The following UBR2 variants were observed in gnomAD, a reference collection of about 807,000 sequenced individuals.
UBR2 encodes E3 ubiquitin-protein ligase UBR2.
UBR2 carries 92 observed loss-of-function variants against 247.9 expected under a neutral mutation model. The ratio of observed to expected loss-of-function variants is 0.37; its 90% confidence interval spans 0.31 to 0.44. The LOEUF (loss-of-function observed/expected upper bound fraction) is 0.44. Ranked by LOEUF, UBR2 falls within the 20% of genes least tolerant of loss-of-function variation. The pLI is 1.00. For missense variants in UBR2, 1,613 were observed against 2,112.6 expected (o/e 0.76, Z 4.64); for synonymous variants, 672 against 693.5 (o/e 0.97, Z 0.49).
In UBR2 at chr6:42,666,180, A is replaced by G; in HGVS notation, c.3816A>G (p.Thr1272=). ...KEESTPNNAS[T]KNSENVDELQ... ...CTGTTTCTATAGATAATGCCTCTACAAAGAATTCAGAAAATGTGGATGAAT... is the reference window on the plus strand; with the variant it reads ...CTGTTTCTATAGATAATGCCTCTACGAAGAATTCAGAAAATGTGGATGAAT... Residue 1272 remains threonine (T), a synonymous_variant, in exon 34 of 47, where the codon ACA becomes ACG. Transcript: ENST00000372901. The G allele has an allele frequency of 6.2e-7, 1 of 1,612,510 alleles. No homozygotes were observed. The highest frequency in any genetic ancestry group is 1.1e-5 in the South Asian group (1 of 90,560).
intron 44 of UBR2, among the ~76,000 whole-genome samples, chr6:42,687,600 G>T (rs1047739059): frequency 6.6e-6 from 1 of 152,042 alleles, no homozygotes; most frequent in East Asian, 1.9e-4. Flanking sequence ...GAGTGCAGTG[G>T]TGTGATCTTG....
rs745849060 is a variant in UBR2, at chr6:42,658,051, C to T, written c.2900C>T (p.Pro967Leu). 8 of 1,613,778 alleles carry T rather than the reference C, an allele frequency of 5.0e-6. No individual in the cohort carries two copies. Among genetic ancestry groups the T allele is most frequent in the Admixed American group, 1.7e-5 (1 of 59,950 alleles). Residue 967 changes from proline (P) to leucine (L), a missense_variant, in exon 27 of 47, where the codon CCT becomes CTT. Physicochemically the swap from Pro to Leu is moderately conservative, Grantham distance 98. Transcript: ENST00000372901. ...CCTGGTGAAGCGCCAAAAAATTCTC[C>T]TAGCATACTAGCTATGCTGGAAACA... ...SKPGEAPKNS[P>L]SILAMLETLQ...
chr6:42,648,940 G>T (rs1028462), intron 22 of UBR2, among the ~76,000 whole-genome samples: 20 of 151,802 alleles, frequency 1.3e-4, no homozygotes, highest in East Asian at 1.9e-4. Flanking sequence ...TGTGTCTTTG[G>T]GGGGGCGGGT....
chr6:42,647,157 T>C (rs967975552), intron 21 of UBR2, among the ~76,000 whole-genome samples: 3 of 152,144 alleles, frequency 2.0e-5, no homozygotes, highest in Non-Finnish European at 2.9e-5. Context: ...ACTAAATATC[T>C]AGTCAAGATA....
chr6:42,645,109 G>T (rs1158254405), intron 20 of UBR2, among the ~76,000 whole-genome samples: 1 of 151,992 alleles, frequency 6.6e-6, no homozygotes, highest in African/African-American at 2.4e-5. Flanking sequence ...TATTTTATTT[G>T]CCACTAGATA....
At position 42,666,215 on chromosome 6, in the gene UBR2, C is replaced by G; in HGVS notation, c.3851C>G (p.Pro1284Arg). 6.2e-7 allele frequency: 1 copy of G among 1,613,088 alleles called. No individual in the cohort carries two copies. Among genetic ancestry groups the G allele is most frequent in the South Asian group, 1.1e-5 (1 of 90,760 alleles). ...NSENVDELQL[P>R]EGFRPDFRPK... The stretch of plus-strand genomic sequence containing the variant: ...GAAAATGTGGATGAATTACAGCTCC[C>G]TGAAGGGTTCAGGCCTGATTTTCGT... The change falls in exon 34 of 47, where the codon CCT becomes CGT. Residue 1284 changes from proline to arginine, a missense_variant. This residue lies in a region of UBR2 where 1,524 missense variants were observed against 1,967.3 expected (regional missense o/e 0.77). Coordinates refer to ENST00000372901, the MANE Select transcript of UBR2 (RefSeq NM_001363705.2).
chr6:42,584,255 C>T (rs760182799), intron 2 of UBR2, among the ~76,000 whole-genome samples: 2 of 152,136 alleles, frequency 1.3e-5, no homozygotes, highest in Admixed American at 1.3e-4. Flanking sequence ...CTTGGCCTCC[C>T]AAAGTACTGA....
intron 25 of UBR2, 36 bp from the exon 26 acceptor site, chr6:42,655,584 TA>T: frequency 7.6e-7 from 1 of 1,308,774 alleles, no homozygotes; most frequent in Non-Finnish European, 1.0e-6. Context: ...CTTGATTTTT[TA>T]AATTTTTACT....
At chr6:42,682,960 T>C in intron 42 of UBR2, 95 bp from the exon 43 acceptor site, 1 of 1,013,310 alleles carries the variant, frequency 9.9e-7, no homozygotes, top group East Asian at 2.5e-5. Flanking sequence ...AGGTCAAGAA[T>C]ATTATTTTCC....
chr6:42,676,834 T>G lies in UBR2; in HGVS notation c.4439T>G (p.Val1480Gly). The G allele has an allele frequency of 6.2e-7, 1 of 1,614,024 alleles. No individual in the cohort carries two copies. Among genetic ancestry groups the G allele is most frequent in the East Asian group, 2.2e-5 (1 of 44,836 alleles). Reference protein sequence around the residue: ...ENPPCEEESAVLALYKTLHQY... With the variant: ...ENPPCEEESAGLALYKTLHQY... ...CCCCCTTGTGAAGAAGAATCAGCAG[T>G]TCTTGCTTTGTATAAAACACTTCAC... The change falls in exon 40 of 47, where the codon GTT becomes GGT. Residue 1480 changes from valine to glycine, a missense_variant. Physicochemically the swap from Val to Gly is moderately radical, Grantham distance 109. Coordinates refer to ENST00000372901, the MANE Select transcript of UBR2 (RefSeq NM_001363705.2).
At position 42,603,667 on chromosome 6, in the gene UBR2, A is replaced by G. The variant is rs2151927539; in HGVS notation, c.611A>G (p.Glu204Gly). 3.1e-6 allele frequency: 5 copies of G among 1,602,532 alleles called. No individual in the cohort carries two copies. The highest frequency in any genetic ancestry group is 4.2e-6 in the Non-Finnish European group (5 of 1,177,500). ...IFAITFRYAVEILTWEKESEL... is the reference protein window; with the variant it reads ...IFAITFRYAVGILTWEKESEL... ...GCTATTACGTTTCGGTATGCAGTAG[A>G]AATATTAACCTGGGAAAAAGAAAGT... Residue 204 changes from glutamate to glycine, a missense_variant, in exon 5 of 47, where the codon GAA (glutamate) becomes GGA (glycine). Glu to Gly is a moderately conservative substitution (Grantham distance 98). Transcript: ENST00000372901.
intron 41 of UBR2, 22 bp from the exon 42 acceptor site, chr6:42,679,702 T>C (rs1798918701): frequency 6.4e-7 from 1 of 1,561,550 alleles, no homozygotes; most frequent in South Asian, 1.1e-5. Context: ...ATATGCACTC[T>C]TTTCTTGTTC....
At chr6:42,649,682 A>G (rs9381205) in intron 22 of UBR2, among the ~76,000 whole-genome samples, 140,788 of 152,262 alleles carry the variant, frequency 0.92, 65,241 homozygotes, top group East Asian at 1. Flanking sequence ...TTGGCCGTTT[A>G]TTTTTTCATA....
chr6:42,574,043 C>G (rs759332938), intron 2 of UBR2, 50 bp downstream of exon 2: 1 of 1,456,390 alleles, frequency 6.9e-7, no homozygotes, highest in East Asian at 2.5e-5. Flanking sequence ...TATTTGACCT[C>G]TTTTTTTCCC....
chr6:42,630,876 G>A, intron 11 of UBR2, among the ~76,000 whole-genome samples: 1 of 151,802 alleles, frequency 6.6e-6, no homozygotes. Context: ...GCGTGATCAT[G>A]GCTCACTGCA....
intron 1 of UBR2, 65 bp from the exon 2 acceptor site, chr6:42,573,669 G>A: frequency 7.1e-7 from 1 of 1,405,414 alleles, no homozygotes; most frequent in Non-Finnish European, 9.3e-7. Context: ...AAGAAAGTAG[G>A]GTGAATTTGT....
intron 1 of UBR2, among the ~76,000 whole-genome samples, chr6:42,568,118 A>G (rs1159286832): frequency 2.0e-5 from 3 of 152,184 alleles, no homozygotes; most frequent in Admixed American, 2.0e-4. Context: ...TGTATTGGTT[A>G]TCTTTTTGCT....
At chr6:42,582,327 A>G (rs558743170) in intron 2 of UBR2, among the ~76,000 whole-genome samples, 27 of 150,898 alleles carry the variant, frequency 1.8e-4, no homozygotes, top group Non-Finnish European at 3.0e-4. Flanking sequence ...TAAGAAAATT[A>G]TTTATATTAA....
At chr6:42,617,546 A>G (rs1794639513) in intron 11 of UBR2, 39 bp downstream of exon 11, 1 of 1,523,704 alleles carries the variant, frequency 6.6e-7, no homozygotes, top group Non-Finnish European at 8.9e-7. Flanking sequence ...CTTGTTTTCC[A>G]TTAACAGAGG....
Sources: allele counts gnomAD v4.1 joint callset (sites outside exome capture counted in the v4.1 genomes callset), GRCh38; gene constraint gnomAD v4.1.1; regional missense constraint gnomAD v4.1.1; transcripts MANE v1.5; gene names NCBI Gene and HGNC (gene_info 2026-07-23, HGNC 2026-07-21).